The following STEAP3 variants were observed in gnomAD, a reference collection of about 807,000 sequenced individuals.
STEAP3 encodes the protein STEAP3 metalloreductase, also known as metalloreductase STEAP3.
STEAP3 carries 35 observed loss-of-function variants against 34.9 expected under a neutral mutation model. That is an observed-to-expected ratio of 1.00 (90% confidence interval 0.76 to 1.33). STEAP3 has a LOEUF of 1.33. Among genes scored for constraint, STEAP3 ranks in the 40% most tolerant of loss-of-function variants. The pLI is 0.00. For missense variants in STEAP3, 652 were observed against 667.6 expected (o/e 0.98, Z 0.26); for synonymous variants, 281 against 301.6 (o/e 0.93, Z 0.71).
Position 119,263,057 on chromosome 2 carries a change from T to G in STEAP3, c.1216T>G (p.Ser406Ala). The change falls in exon 6 of 6, where the codon TCC (serine) becomes GCC (alanine). Residue 406 changes from serine (S) to alanine (A), a missense_variant and splice_region_variant. Transcript: ENST00000393110. The stretch of plus-strand genomic sequence containing the variant: ...CTCCAGCCTTTTTTTCCCTCCACAG[T>G]CCTCACTGGGCTTTGTGGCCCTCGT... ...LNWREFSFVQSSLGFVALVLS... is the reference protein window; with the variant it reads ...LNWREFSFVQASLGFVALVLS... The G allele has an allele frequency of 6.2e-7, 1 of 1,603,624 alleles. No homozygotes were observed. The highest frequency in any genetic ancestry group is 8.5e-7 in the Non-Finnish European group (1 of 1,179,290).
chr2:119,240,580 G>T (rs1486122235), intron 2 of STEAP3, among the ~76,000 whole-genome samples: 1 of 152,248 alleles, frequency 6.6e-6, no homozygotes, highest in Non-Finnish European at 1.5e-5. Context: ...ACAGGAGCTG[G>T]CAGGCAGGCC....
chr2:119,262,938 A>G, intron 5 of STEAP3, 119 bp from the exon 6 acceptor site: 1 of 1,361,096 alleles, frequency 7.3e-7, no homozygotes, highest in Non-Finnish European at 1.0e-6. Flanking sequence ...TCCAACCCAT[A>G]GCGGTGAGTA....
At chr2:119,233,885 T>C (rs1207669837) in intron 2 of STEAP3, among the ~76,000 whole-genome samples, 1 of 152,168 alleles carries the variant, frequency 6.6e-6, no homozygotes, top group Non-Finnish European at 1.5e-5. Context: ...TTGCAAAAGT[T>C]GGAGCTGGCC....
chr2:119,253,573 G>A (rs947177020), intron 4 of STEAP3, among the ~76,000 whole-genome samples: 2 of 151,872 alleles, frequency 1.3e-5, no homozygotes, highest in African/African-American at 4.8e-5. Context: ...TGGAAATACT[G>A]TTCCTTGTTC....
intron 2 of STEAP3, among the ~76,000 whole-genome samples, chr2:119,235,916 C>G (rs1474196563): frequency 6.6e-6 from 1 of 152,152 alleles, no homozygotes; most frequent in African/African-American, 2.4e-5. Flanking sequence ...GCCCCAGTGC[C>G]CAGCCACCAG....
Position 119,263,432 on chromosome 2 carries a change from C to G in STEAP3, c.*94C>G, listed in dbSNP as rs767900764. On this transcript the variant is annotated 3_prime_UTR_variant, in exon 6 of 6. Coordinates refer to ENST00000393110, the MANE Select transcript of STEAP3 (RefSeq NM_182915.3). ...TTCTTGGTGGTGCAAAGTGGTATAA[C>G]TGTGTGCAAATAGGAGGTTTGAGGT... 1 of 1,527,750 alleles carries G rather than the reference C, an allele frequency of 6.5e-7. No homozygotes were observed. The highest frequency in any genetic ancestry group is 1.2e-5 in the South Asian group (1 of 83,438). 94.6% of individuals were successfully genotyped at this position (1,527,750 alleles called of 1,614,324 possible).
At chr2:119,261,977 A>T (rs1431436912) in intron 5 of STEAP3, among the ~76,000 whole-genome samples, 2 of 152,136 alleles carry the variant, frequency 1.3e-5, no homozygotes, top group Non-Finnish European at 2.9e-5. Flanking sequence ...TCTCCTCCAG[A>T]TGGAAGAGTA....
intron 1 of STEAP3, among the ~76,000 whole-genome samples, chr2:119,225,081 A>T (rs1558738941): frequency 6.6e-6 from 1 of 152,246 alleles, no homozygotes; most frequent in Non-Finnish European, 1.5e-5. Flanking sequence ...CAGAAGGTCC[A>T]CAAAACCAAA....
chr2:119,231,178 A>G, intron 2 of STEAP3, 144 bp downstream of exon 2: 1 of 1,064,364 alleles, frequency 9.4e-7, no homozygotes, highest in Non-Finnish European at 1.4e-6. Context: ...CACCTCCCAG[A>G]GATCTGTACT....
chr2:119,238,325 T>C (rs1677148429), intron 2 of STEAP3, among the ~76,000 whole-genome samples: 2 of 152,222 alleles, frequency 1.3e-5, no homozygotes, highest in African/African-American at 2.4e-5. Context: ...AAATATATCA[T>C]TGTAGCCATC....
chr2:119,251,132 T>C (rs1370938485), intron 4 of STEAP3, among the ~76,000 whole-genome samples: 2 of 152,140 alleles, frequency 1.3e-5, no homozygotes, highest in Non-Finnish European at 2.9e-5. Flanking sequence ...CCTGAGGCTG[T>C]TCTGCCTTCA....
chr2:119,233,263 T>A (rs1243640727), intron 2 of STEAP3, among the ~76,000 whole-genome samples: 2 of 152,230 alleles, frequency 1.3e-5, no homozygotes, highest in Non-Finnish European at 2.9e-5. Flanking sequence ...AGGCTGCACC[T>A]CAATGCACCT....
At position 119,263,156 on chromosome 2, in the gene STEAP3, C is replaced by A. The variant is rs746192768; in HGVS notation, c.1315C>A (p.Pro439Thr). The change falls in exon 6 of 6, where the codon CCT becomes ACT. Residue 439 changes from proline to threonine, a missense_variant. Coordinates refer to ENST00000393110, the MANE Select transcript of STEAP3 (RefSeq NM_182915.3). ...FEESRYKFYLPPTFTLTLLVP... is the reference protein window; with the variant it reads ...FEESRYKFYLTPTFTLTLLVP... ...GGAGAGCCGCTACAAGTTCTACCTG[C>A]CTCCCACCTTCACGCTCACGCTGCT... 5 of 1,614,124 alleles carry A rather than the reference C, an allele frequency of 3.1e-6. No homozygotes were observed. In the South Asian group the frequency reaches 3.3e-5, roughly 11 times the overall value.
intron 2 of STEAP3, among the ~76,000 whole-genome samples, chr2:119,233,915 G>A (rs1677015894): frequency 6.6e-6 from 1 of 152,208 alleles, no homozygotes; most frequent in Admixed American, 6.5e-5. Context: ...TGGTTGAGAA[G>A]TGGCTACATG....
At chr2:119,230,469 C>A (rs1676890856) in intron 1 of STEAP3, among the ~76,000 whole-genome samples, 151 bp from the exon 2 acceptor site, 1 of 152,160 alleles carries the variant, frequency 6.6e-6, no homozygotes, top group Admixed American at 6.5e-5. Context: ...TATCACTAAG[C>A]CAGTGGCAGC....
Position 119,247,854 on chromosome 2 carries a change from T to TC in STEAP3, c.699dup (p.Val234ArgfsTer302), listed in dbSNP as rs1328514157. ...CCCACCCTGCTGGCCCTGGGGCTCT[T>TC]CGTCTGCTTCTATGCCTACAACTTC... On this transcript the variant is annotated frameshift_variant, in exon 4 of 6. Coordinates refer to ENST00000393110, the MANE Select transcript of STEAP3 (RefSeq NM_182915.3). LOFTEE classifies it high-confidence loss of function. The TC allele has an allele frequency of 6.2e-7, 1 of 1,613,704 alleles. No individual in the cohort carries two copies. The highest frequency in any genetic ancestry group is 1.6e-4 in the Middle Eastern group (1 of 6,062).
chr2:119,256,456 A>C (rs545012734), intron 5 of STEAP3, among the ~76,000 whole-genome samples: 1 of 152,298 alleles, frequency 6.6e-6, no homozygotes, highest in East Asian at 1.9e-4. Context: ...CAATTAAAGC[A>C]GACTGCAGGC....
intron 5 of STEAP3, among the ~76,000 whole-genome samples, chr2:119,259,124 C>G (rs938373953): frequency 6.6e-6 from 1 of 152,264 alleles, no homozygotes; most frequent in Admixed American, 6.5e-5. Context: ...TGACCTTGCC[C>G]ACTCCAGCCA....
At chr2:119,260,244 A>C (rs1323026029) in intron 5 of STEAP3, among the ~76,000 whole-genome samples, 1 of 151,986 alleles carries the variant, frequency 6.6e-6, no homozygotes, top group Admixed American at 6.6e-5. Context: ...GAGGGCCCAC[A>C]GTTAGTTAGG....
Sources: allele counts gnomAD v4.1 joint callset (sites outside exome capture counted in the v4.1 genomes callset), GRCh38; gene constraint gnomAD v4.1.1; transcripts MANE v1.5; gene names NCBI Gene and HGNC (gene_info 2026-07-23, HGNC 2026-07-21).